FCHO1: variants seen among roughly 807,000 people sequenced by gnomAD.
FCHO1 encodes the protein FCH and mu domain containing endocytic adaptor 1, also known as F-BAR domain only protein 1.
In FCHO1, 45 loss-of-function variants were observed where a neutral mutation model predicts 114.4. The observed-to-expected ratio is 0.39, with a 90% CI of 0.31 to 0.50. FCHO1 has a LOEUF of 0.50. Among genes scored for constraint, FCHO1 ranks in the 20% least tolerant of loss-of-function variants. The pLI is 0.77. For missense variants in FCHO1, 1,042 were observed against 1,209.6 expected, an observed-to-expected ratio of 0.86 and a Z score of 2.06; for synonymous variants, 480 against 488.9, an observed-to-expected ratio of 0.98 and a Z score of 0.24.
intron 27 of FCHO1, 145 bp downstream of exon 27, chr19:17,786,774 C>G: frequency 1.2e-6 from 1 of 850,214 alleles, no homozygotes; most frequent in East Asian, 2.7e-5. Context: ...GGAGGAGGGC[C>G]GGGCTGAGTG....
intron 4 of FCHO1, among the ~76,000 whole-genome samples, chr19:17,761,817 T>C (rs1034411170): frequency 3.2e-4 from 45 of 138,926 alleles, no homozygotes; most frequent in East Asian, 3.1e-3. Flanking sequence ...TGCGCCACCA[T>C]GCCTGGCTAA....
At chr19:17,780,866 G>C (rs1054045847) in intron 20 of FCHO1, among the ~76,000 whole-genome samples, 4 of 152,180 alleles carry the variant, frequency 2.6e-5, no homozygotes, top group African/African-American at 9.7e-5. Flanking sequence ...CACAGTAGGT[G>C]GCTGCAGTCA....
At chr19:17,772,027 T>A (rs2091733089) in intron 9 of FCHO1, among the ~76,000 whole-genome samples, 2 of 152,162 alleles carry the variant, frequency 1.3e-5, no homozygotes, top group African/African-American at 4.8e-5. Flanking sequence ...CCCAGACTGG[T>A]CTTGAATTCC....
chr19:17,779,101 A>T (rs1599742547), intron 20 of FCHO1, among the ~76,000 whole-genome samples: 2 of 152,184 alleles, frequency 1.3e-5, no homozygotes, highest in South Asian at 4.1e-4. Flanking sequence ...GGGACATCTG[A>T]GCTGAGATTT....
intron 5 of FCHO1, 149 bp downstream of exon 5, chr19:17,763,002 C>T (rs1202316383): frequency 1.7e-6 from 1 of 604,458 alleles, no homozygotes; most frequent in African/African-American, 1.9e-5. Flanking sequence ...ATGACCGATT[C>T]TCAACCCGGT....
Position 17,784,987 on chromosome 19 carries a change from CCT to C in FCHO1, c.2426+64_2426+65del. ...TTCCCCCATAACCCCAGACCTTCTCCCTGATGCATTGATTAAAGGGTGCACCC... is the reference window on the plus strand; with the variant it reads ...TTCCCCCATAACCCCAGACCTTCTCCGATGCATTGATTAAAGGGTGCACCC... On this transcript the variant is annotated intron_variant, in intron 26 of 28. Coordinates refer to ENST00000596536, the MANE Select transcript of FCHO1 (RefSeq NM_015122.3). The surrounding 1 kb of genome is among the most constrained non-coding windows in gnomAD (Gnocchi z 5.3). The C allele has an allele frequency of 6.6e-7, 1 of 1,523,370 alleles. No individual in the cohort carries two copies. The highest frequency in any genetic ancestry group is 1.7e-5 in the Admixed American group (1 of 58,550). 94.4% of individuals were successfully genotyped at this position (1,523,370 alleles called of 1,614,324 possible).
In FCHO1 at chr19:17,775,924, G is replaced by A. The variant is rs2092572848; in HGVS notation, c.1004-59G>A. 2 of 1,578,104 alleles carry A rather than the reference G, an allele frequency of 1.3e-6. No homozygotes were observed. Among genetic ancestry groups the A allele is most frequent in the Admixed American group, 1.7e-5 (1 of 59,008 alleles). ...AGCAGGGAGGGACGAGGCTGGATTGGAGAGCTGACTGGGGGAAAGCTTGTG... is the reference window on the plus strand; with the variant it reads ...AGCAGGGAGGGACGAGGCTGGATTGAAGAGCTGACTGGGGGAAAGCTTGTG... On this transcript the variant is annotated intron_variant, in intron 15 of 28. Coordinates refer to ENST00000596536, the MANE Select transcript of FCHO1 (RefSeq NM_015122.3). This position sits in a 1 kb window ranked among gnomAD's most constrained non-coding sequence, Gnocchi z 5.1.
chr19:17,778,142 C>A lies in FCHO1; in HGVS notation c.1265C>A (p.Ala422Glu). The stretch of plus-strand genomic sequence containing the variant: ...CTTGGCCTCACCCTCTCTAGCTGTG[C>A]AGAGAGATTGCAGTCAGAGGAGCAG... ...PRSAPRTSSC[A>E]ERLQSEEQVS... Residue 422 changes from alanine (A) to glutamate (E), a missense_variant, in exon 19 of 29, where the codon GCA becomes GAA. Physicochemically the swap from Ala to Glu is moderately radical, Grantham distance 107. Around this residue, in one of 3 missense-constraint regions of FCHO1, gnomAD observed 455 missense variants for 455.4 expected, o/e 1.00. Coordinates refer to ENST00000596536, the MANE Select transcript of FCHO1 (RefSeq NM_015122.3). The A allele has an allele frequency of 6.2e-7, 1 of 1,611,326 alleles. No homozygotes were observed. Among genetic ancestry groups the A allele is most frequent in the South Asian group, 1.1e-5 (1 of 91,016 alleles).
chr19:17,783,641 C>T (rs920490269), intron 24 of FCHO1, among the ~76,000 whole-genome samples: 3 of 151,288 alleles, frequency 2.0e-5, no homozygotes, highest in African/African-American at 7.3e-5. Flanking sequence ...AGTGCAGTGG[C>T]GTGATCTCGG....
rs750849014 is a variant in FCHO1, at chr19:17,766,661, G to A, written c.195-8G>A. 8.7e-6 allele frequency: 14 copies of A among 1,613,732 alleles called. No homozygotes were observed. Among genetic ancestry groups the A allele is most frequent in the African/African-American group, 5.3e-5 (4 of 74,924 alleles). ...ATGAACCCTGGGTGTGACCTTGCCCGCCCCCAGGACCTTCGCCCCGCTCTG... is the reference window on the plus strand; with the variant it reads ...ATGAACCCTGGGTGTGACCTTGCCCACCCCCAGGACCTTCGCCCCGCTCTG... On this transcript the variant is annotated splice_region_variant and splice_polypyrimidine_tract_variant and intron_variant, in intron 6 of 28. Coordinates refer to ENST00000596536, the MANE Select transcript of FCHO1 (RefSeq NM_015122.3).
intron 1 of FCHO1, among the ~76,000 whole-genome samples, chr19:17,753,209 T>G (rs2082436405): frequency 1.3e-5 from 2 of 152,196 alleles, no homozygotes; most frequent in Non-Finnish European, 1.5e-5. Flanking sequence ...ATATGGAAAT[T>G]TAGGGCTTTT....
upstream of FCHO1, among the ~76,000 whole-genome samples, chr19:17,750,826 T>C (rs1463701057): frequency 2.7e-5 from 4 of 147,528 alleles, no homozygotes; most frequent in South Asian, 2.1e-4. Context: ...CCCTTTCTTT[T>C]CTTTTTTTTT....
chr19:17,751,211 C>T (rs1355864002), upstream of FCHO1, among the ~76,000 whole-genome samples: 1 of 152,174 alleles, frequency 6.6e-6, no homozygotes, highest in Non-Finnish European at 1.5e-5. The surrounding 1 kb of genome is among the most constrained non-coding windows in gnomAD (Gnocchi z 4.4). Context: ...TGGGTATCGG[C>T]CTACCTCAGG....
chr19:17,762,924 C>G, intron 5 of FCHO1, 71 bp downstream of exon 5: 1 of 1,051,264 alleles, frequency 9.5e-7, no homozygotes, highest in South Asian at 1.3e-5. Context: ...CTAATGGCTA[C>G]GCCCTGCATG....
chr19:17,783,167 G>C lies in FCHO1; in HGVS notation c.2088G>C (p.Leu696=), dbSNP rs143447435. 198 of 1,613,912 alleles carry C rather than the reference G, an allele frequency of 1.2e-4. No individual in the cohort carries two copies. In the African/African-American group the frequency reaches 2.4e-3, roughly 19 times the overall value. Residue 696 remains leucine (L), a synonymous_variant, in exon 24 of 29, where the codon CTG becomes CTC. Coordinates refer to ENST00000596536, the MANE Select transcript of FCHO1 (RefSeq NM_015122.3). ...ACTTCCAGCCCAACGCCGATCTGCT[G>C]TTCAGGTACTATGGAGGGGCAGTGG... The part of the protein sequence containing the change: ...IEHFQPNADL[L]FSDPSQSDPE...
chr19:17,748,513 G>C (rs1002976047), upstream of FCHO1, among the ~76,000 whole-genome samples: 1 of 151,692 alleles, frequency 6.6e-6, no homozygotes, highest in African/African-American at 2.4e-5. Context: ...GACTTGGGGG[G>C]GGGGTCCCTC....
intron 26 of FCHO1, among the ~76,000 whole-genome samples, chr19:17,786,205 C>T (rs1324878516): frequency 6.6e-6 from 1 of 151,656 alleles, no homozygotes; most frequent in African/African-American, 2.4e-5. Flanking sequence ...TGGTGGCGGG[C>T]GCCTGTAATC....
In FCHO1 at chr19:17,770,415, T is replaced by C. The variant is rs187502619; in HGVS notation, c.337-10T>C. 1,200 of 1,601,012 alleles carry C rather than the reference T, an allele frequency of 7.5e-4. 12 individuals carry two copies. In the African/African-American group the frequency reaches 0.013, roughly 17 times the overall value. On this transcript the variant is annotated splice_polypyrimidine_tract_variant and intron_variant, in intron 7 of 28. Transcript: ENST00000596536. ...ACAGTCTACCCATGAAATCCCCTCC[T>C]ACCCCGCAGTGCAAGGAGGAAGTGG...
chr19:17,750,785 G>T (rs1213755133), upstream of FCHO1, among the ~76,000 whole-genome samples: 2 of 151,538 alleles, frequency 1.3e-5, no homozygotes. Context: ...TTGTAGTGAA[G>T]GAAAGCGCTC....
Sources: gnomAD v4.1 joint callset for allele counts (sites outside exome capture counted in the v4.1 genomes callset) on GRCh38, gnomAD v4.1.1 for gene constraint, gnomAD v4.1.1 regional missense constraint, Gnocchi (gnomAD v3.1) non-coding constraint, MANE v1.5 for transcripts, NCBI Gene and HGNC (gene_info 2026-07-23, HGNC 2026-07-21) for gene names.